The following ZNF568 variants were observed in gnomAD, a reference collection of about 807,000 sequenced individuals.
The protein encoded by ZNF568 is zinc finger protein 568.
ZNF568 carries 11 observed loss-of-function variants against 18.1 expected under a neutral mutation model. The ratio of observed to expected loss-of-function variants is 0.61; its 90% CI spans 0.38 to 1.00. The LOEUF (loss-of-function observed/expected upper bound fraction) is 1.00. ZNF568 is among the 50% of genes least tolerant of loss of function. The pLI is 0.01. For missense variants in ZNF568, 639 were observed against 768.2 expected, an observed-to-expected ratio of 0.83 and a Z score of 1.99; for synonymous variants, 213 against 246.6, an observed-to-expected ratio of 0.86 and a Z score of 1.28.
At chr19:36,956,283 T>A (rs2074106504), downstream of ZNF568, among the ~76,000 whole-genome samples, 1 of 152,188 alleles carries the variant, frequency 6.6e-6, no homozygotes, top group Non-Finnish European at 1.5e-5. Context: ...GAATTGCTGT[T>A]GGACGAAAGG....
chr19:36,961,461 TAA>T (rs568299001), intron 6 of ZNF568, among the ~76,000 whole-genome samples: 1 of 150,360 alleles, frequency 6.7e-6, no homozygotes, highest in Non-Finnish European at 1.5e-5. Flanking sequence ...GGGATCTTTT[TAA>T]AAAAAAAATC....
chr19:36,945,920 T>C (rs112848008), intron 6 of ZNF568, among the ~76,000 whole-genome samples: 29 of 151,810 alleles, frequency 1.9e-4, no homozygotes, highest in African/African-American at 6.5e-4. Flanking sequence ...GGTGAAACCC[T>C]GTTTCAACTA....
At chr19:36,994,168 T>C (rs2074449557) in intron 4 of ZNF568, among the ~76,000 whole-genome samples, 2 of 152,150 alleles carry the variant, frequency 1.3e-5, no homozygotes, top group African/African-American at 4.8e-5. Flanking sequence ...CTTTAACACG[T>C]TGGTTATTTA....
At chr19:36,990,852 A>G (rs1027048790) in intron 2 of ZNF568, among the ~76,000 whole-genome samples, 1 of 152,210 alleles carries the variant, frequency 6.6e-6, no homozygotes, top group Non-Finnish European at 1.5e-5. Context: ...TGTGCTTAAC[A>G]TAGGGTGTTC....
At chr19:36,989,434 C>T (rs2074404851) in intron 2 of ZNF568, among the ~76,000 whole-genome samples, 2 of 152,168 alleles carry the variant, frequency 1.3e-5, no homozygotes, top group Admixed American at 6.6e-5. Context: ...CCACCCACCT[C>T]GGCCTCTCAA....
chr19:36,937,612 T>C (rs111805525), intron 6 of ZNF568, among the ~76,000 whole-genome samples: 2,587 of 152,284 alleles, frequency 0.017, 33 homozygotes, highest in African/African-American at 0.036. Flanking sequence ...GGTTGTGTAG[T>C]AATTTTAAAA....
In ZNF568 at chr19:36,922,720, G is replaced by A. The variant is rs776388244; in HGVS notation, c.-51G>A. ...GAGTCCTGAAAGAGAGTGGACCCTG[G>A]AGTTGCTGGAGCTTGTCTTGACCCT... On this transcript the variant is annotated 5_prime_UTR_variant, in exon 3 of 7. Coordinates refer to ENST00000333987, the MANE Select transcript of ZNF568 (RefSeq NM_198539.4). 7 of 1,542,242 alleles carry A rather than the reference G, an allele frequency of 4.5e-6. No individual in the cohort carries two copies. The East Asian group carries it at 1.4e-4, about 30-fold the overall frequency.
intron 3 of ZNF568, among the ~76,000 whole-genome samples, chr19:36,924,430 G>T (rs2073512898): frequency 6.6e-6 from 1 of 151,532 alleles, no homozygotes; most frequent in African/African-American, 2.4e-5. Flanking sequence ...TATTGGCCAA[G>T]CTGGTCTCGA....
intron 4 of ZNF568, among the ~76,000 whole-genome samples, chr19:36,934,078 G>T (rs1280597861): frequency 6.7e-6 from 1 of 149,994 alleles, no homozygotes; most frequent in Non-Finnish European, 1.5e-5. Flanking sequence ...ATATTTCTTT[G>T]TATTCCTGTT....
chr19:36,929,352 A>G (rs2073641046), intron 4 of ZNF568, among the ~76,000 whole-genome samples: 1 of 152,112 alleles, frequency 6.6e-6, no homozygotes, highest in African/African-American at 2.4e-5. Context: ...CAGCTGGATC[A>G]ATACAGCAAG....
At chr19:36,964,074 C>A (rs1344245992) in intron 6 of ZNF568, among the ~76,000 whole-genome samples, 2 of 151,908 alleles carry the variant, frequency 1.3e-5, no homozygotes, top group South Asian at 4.2e-4. Context: ...AGATTTGCTT[C>A]TGAACCTTTG....
At chr19:36,930,934 T>C (rs554352018) in intron 4 of ZNF568, among the ~76,000 whole-genome samples, 1 of 151,964 alleles carries the variant, frequency 6.6e-6, no homozygotes, top group Non-Finnish European at 1.5e-5. Context: ...TATTTCAGCA[T>C]TTTTTTTCAG....
intron 4 of ZNF568, chr19:36,996,276 A>G (rs1188180943): frequency 5.7e-6 from 8 of 1,413,260 alleles, no homozygotes; most frequent in Middle Eastern, 1.9e-4. Context: ...TTGTCCTGCA[A>G]TGTGAAAATA....
intron 6 of ZNF568, among the ~76,000 whole-genome samples, chr19:36,965,205 A>C (rs2074185455): frequency 6.6e-6 from 1 of 152,192 alleles, no homozygotes; most frequent in African/African-American, 2.4e-5. Flanking sequence ...TGATTAGCTC[A>C]TGAGAGCTCC....
chr19:36,937,397 C>G (rs2073809166), intron 6 of ZNF568, among the ~76,000 whole-genome samples, 155 bp downstream of exon 6: 1 of 152,162 alleles, frequency 6.6e-6, no homozygotes, highest in Non-Finnish European at 1.5e-5. Flanking sequence ...TGTGACATTT[C>G]TAGGTATTAT....
At chr19:36,954,808 C>T (rs186483262), downstream of ZNF568, among the ~76,000 whole-genome samples, 4 of 151,808 alleles carry the variant, frequency 2.6e-5, no homozygotes, top group East Asian at 7.8e-4. Context: ...GAATCCTGAC[C>T]TCAGGTGATC....
chr19:36,997,257 T>A, downstream of ZNF568: 1 of 1,606,986 alleles, frequency 6.2e-7, no homozygotes, highest in East Asian at 2.2e-5. Flanking sequence ...ATTCACATCT[T>A]ATTCGACATC....
chr19:36,963,603 G>C (rs928723942), intron 6 of ZNF568, among the ~76,000 whole-genome samples: 3 of 152,174 alleles, frequency 2.0e-5, no homozygotes, highest in Admixed American at 2.0e-4. Context: ...ATTTGGCAGA[G>C]GGCTATGCTA....
At chr19:36,938,943 G>A (rs17842486) in intron 6 of ZNF568, among the ~76,000 whole-genome samples, 2,645 of 152,158 alleles carry the variant, frequency 0.017, 42 homozygotes, top group Middle Eastern at 0.054. Context: ...TTTCATGCTC[G>A]TTTCTTTTGT....
Sources: allele counts gnomAD v4.1 joint callset (sites outside exome capture counted in the v4.1 genomes callset), GRCh38; gene constraint gnomAD v4.1.1; transcripts MANE v1.5; gene names NCBI Gene and HGNC (gene_info 2026-07-23, HGNC 2026-07-21).